The following ATR variants were observed in gnomAD, a reference collection of about 807,000 sequenced individuals.
The protein encoded by ATR is serine/threonine-protein kinase ATR.
A neutral mutation model predicts 305.3 loss-of-function variants in ATR; 142 were observed. The ratio of observed to expected loss-of-function variants is 0.47; its 90% confidence interval spans 0.41 to 0.53. The LOEUF is 0.53. Ranked by LOEUF, ATR falls within the 20% of genes least tolerant of loss-of-function variation. ATR has a pLI of 0.00. For missense variants in ATR, 2,135 were observed against 3,133.1 expected (o/e 0.68, Z 7.60); for synonymous variants, 1,050 against 1,068.1 (o/e 0.98, Z 0.33).
chr3:142,480,493 C>T (rs2030352359), intron 36 of ATR, among the ~76,000 whole-genome samples: 1 of 152,202 alleles, frequency 6.6e-6, no homozygotes, highest in Non-Finnish European at 1.5e-5. Context: ...GTCAGTCTGC[C>T]CCTACTGGGG....
At chr3:142,503,570 T>A (rs892553780) in intron 29 of ATR, 117 bp from the exon 30 acceptor site, 21 of 472,802 alleles carry the variant, frequency 4.4e-5, no homozygotes, top group East Asian at 1.2e-4. Context: ...CCCTTATTTT[T>A]TTATTATTAT....
intron 7 of ATR, 164 bp from the exon 8 acceptor site, chr3:142,558,940 G>T (rs577910321): frequency 1.4e-6 from 1 of 707,362 alleles, no homozygotes; most frequent in Non-Finnish European, 2.3e-6. Context: ...TGAACCCAAA[G>T]AAATTAAATG....
intron 21 of ATR, 51 bp downstream of exon 21, chr3:142,535,029 G>A (rs2108423870): frequency 6.5e-7 from 1 of 1,537,988 alleles, no homozygotes; most frequent in Non-Finnish European, 8.9e-7. Flanking sequence ...TTTTCTTTAA[G>A]CCTCCAATCT....
intron 1 of ATR, among the ~76,000 whole-genome samples, chr3:142,568,432 G>T (rs1246845181): frequency 6.6e-6 from 1 of 152,248 alleles, no homozygotes; most frequent in Non-Finnish European, 1.5e-5. Context: ...GGGAGAACTT[G>T]AAATGTGATT....
chr3:142,534,635 A>G (rs1459221868), intron 21 of ATR, among the ~76,000 whole-genome samples: 1 of 152,190 alleles, frequency 6.6e-6, no homozygotes, highest in Non-Finnish European at 1.5e-5. Context: ...GTTGCCAAAG[A>G]AAAGAATAAA....
chr3:142,496,934 A>G, intron 33 of ATR, 79 bp downstream of exon 33: 1 of 1,467,730 alleles, frequency 6.8e-7, no homozygotes, highest in Non-Finnish European at 9.3e-7. Flanking sequence ...GAAAATTAAG[A>G]AATACAAACA....
chr3:142,457,653 A>G lies in ATR; in HGVS notation c.7606T>C (p.Cys2536Arg). ...CGCATCAGCCTCATTGTAACTTCAC[A>G]TGCTCTTCGAAAAAGACCCTCTGTT... ...MGTEGLFRRA[C>R]EVTMRLMRDQ... Residue 2536 changes from cysteine (C) to arginine (R), a missense_variant, in exon 45 of 47, where the codon TGT becomes CGT. Physicochemically the swap from Cys to Arg is radical, Grantham distance 180 (BLOSUM62 -3). Around this residue, in one of 9 missense-constraint regions of ATR, gnomAD observed 462 missense variants for 887.6 expected, o/e 0.52. Coordinates refer to ENST00000350721, the MANE Select transcript of ATR (RefSeq NM_001184.4). 6.2e-7 allele frequency: 1 copy of G among 1,614,060 alleles called. No homozygotes were observed. Among genetic ancestry groups the G allele is most frequent in the Non-Finnish European group, 8.5e-7 (1 of 1,179,982 alleles).
At chr3:142,476,747 G>C (rs1419654148) in intron 36 of ATR, among the ~76,000 whole-genome samples, 1 of 152,086 alleles carries the variant, frequency 6.6e-6, no homozygotes, top group Non-Finnish European at 1.5e-5. Flanking sequence ...TCTTCCATTT[G>C]TTTGTGTCCT....
At position 142,466,506 on chromosome 3, in the gene ATR, T is replaced by C. The variant is rs1422047817; in HGVS notation, c.6715A>G (p.Met2239Val). 3.1e-6 allele frequency: 5 copies of C among 1,613,780 alleles called. No homozygotes were observed. Among genetic ancestry groups the C allele is most frequent in the South Asian group, 1.1e-5 (1 of 91,064 alleles). Reference sequence around the variant, plus strand: ...TTAAGCATTTTAAAATGAGTGCTCATGCTTAATGTGGAACTACTTCCATCA... The same window carrying C: ...TTAAGCATTTTAAAATGAGTGCTCACGCTTAATGTGGAACTACTTCCATCA... ...PVDGSSSTLS[M>V]STHFKMLKKL... The change falls in exon 40 of 47, where the codon ATG (methionine) becomes GTG (valine). Residue 2239 changes from methionine to valine, a missense_variant. Transcript: ENST00000350721.
chr3:142,461,380 C>G (rs185271789), intron 42 of ATR, among the ~76,000 whole-genome samples: 273 of 152,166 alleles, frequency 1.8e-3, no homozygotes, highest in Admixed American at 3.1e-3. Flanking sequence ...TTCCCACTTC[C>G]CTATTTATTT....
At chr3:142,450,401 T>C in intron 46 of ATR, 1 of 1,566,562 alleles carries the variant, frequency 6.4e-7, no homozygotes, top group Non-Finnish European at 8.7e-7. Flanking sequence ...ATGGGGCTGC[T>C]GTCTTCTTTC....
At chr3:142,495,937 G>A (rs2031564367) in intron 34 of ATR, among the ~76,000 whole-genome samples, 1 of 152,002 alleles carries the variant, frequency 6.6e-6, no homozygotes, top group African/African-American at 2.4e-5. Flanking sequence ...ACACTGGCAA[G>A]TCTACAGAGA....
chr3:142,453,695 T>C lies in ATR; in HGVS notation c.7656-462A>G, dbSNP rs114346887. ...TTCCAAACACCTCAAACTCAGTATCTCCAAAATAAAATTAATTACCTTTTC... is the reference window on the plus strand; with the variant it reads ...TTCCAAACACCTCAAACTCAGTATCCCCAAAATAAAATTAATTACCTTTTC... On this transcript the variant is annotated intron_variant, in intron 45 of 46. Coordinates refer to ENST00000350721, the MANE Select transcript of ATR (RefSeq NM_001184.4). Among the ~76,000 whole-genome samples the C allele has an allele frequency of 8.9e-3, 1,350 of 152,270 alleles. 21 individuals carry two copies. The highest frequency in any genetic ancestry group is 0.031 in the African/African-American group (1,277 of 41,526).
intron 36 of ATR, chr3:142,472,445 TTA>T (rs2071309142): frequency 6.6e-6 from 1 of 152,206 alleles, no homozygotes; most frequent in Admixed American, 6.5e-5. Flanking sequence ...CTTTTGTCTT[TTA>T]TATGATAGCC....
intron 35 of ATR, among the ~76,000 whole-genome samples, chr3:142,488,877 T>C (rs2031112394): frequency 6.6e-6 from 1 of 152,238 alleles, no homozygotes; most frequent in Non-Finnish European, 1.5e-5. Flanking sequence ...AATTATATTA[T>C]TGAGTCTTCC....
At chr3:142,465,730 G>C (rs1394824565) in intron 40 of ATR, 2 of 161,402 alleles carry the variant, frequency 1.2e-5, no homozygotes, top group African/African-American at 4.8e-5. Context: ...CATAGACTGG[G>C]TACAGTGGCT....
In ATR at chr3:142,543,513, CTCTT is replaced by C. The variant is rs766002990; in HGVS notation, c.3358-760_3358-757del. On this transcript the variant is annotated intron_variant, in intron 16 of 46. Coordinates refer to ENST00000350721, the MANE Select transcript of ATR (RefSeq NM_001184.4). ...TCCTTTGCTTCCTTCCTCCCTCTTT[CTCTT>C]TCTTTCTTCCTCTTTTACTTAAACA... 2.4e-4 allele frequency among the ~76,000 whole-genome samples: 35 copies of C among 148,670 alleles called. 1 individual carries two copies. Among genetic ancestry groups the C allele is most frequent in the South Asian group, 2.2e-4 (1 of 4,632 alleles).
At chr3:142,494,390 G>A (rs2031467450) in intron 34 of ATR, among the ~76,000 whole-genome samples, 1 of 152,186 alleles carries the variant, frequency 6.6e-6, no homozygotes, top group African/African-American at 2.4e-5. Context: ...ATAGTCACAT[G>A]AGAAAAGAAA....
chr3:142,483,961 G>A (rs1229486899), intron 36 of ATR, among the ~76,000 whole-genome samples: 3 of 152,112 alleles, frequency 2.0e-5, no homozygotes, highest in Non-Finnish European at 4.4e-5. Flanking sequence ...GGTCTGGAAT[G>A]AGAAGGATAC....
Sources: allele counts gnomAD v4.1 joint callset (sites outside exome capture counted in the v4.1 genomes callset), GRCh38; gene constraint gnomAD v4.1.1; regional missense constraint gnomAD v4.1.1; transcripts MANE v1.5; gene names NCBI Gene and HGNC (gene_info 2026-07-23, HGNC 2026-07-21).